Variants in TCP11L2 observed in about 807,000 individuals in gnomAD.
TCP11L2 encodes the protein t-complex 11 like 2, also known as T-complex protein 11-like protein 2.
In TCP11L2, 39 loss-of-function variants were observed where a neutral mutation model predicts 50.7. The observed-to-expected ratio is 0.77, with a 90% CI of 0.60 to 1.01. The LOEUF (loss-of-function observed/expected upper bound fraction) is 1.01. Among genes scored for constraint, TCP11L2 ranks in the 50% least tolerant of loss-of-function variants. The pLI is 0.00. For missense variants in TCP11L2, 612 were observed against 614.7 expected, an observed-to-expected ratio of 1.00 and a Z score of 0.05; for synonymous variants, 192 against 219.3, an observed-to-expected ratio of 0.88 and a Z score of 1.10.
chr12:106,325,522 A>G (rs955678029), intron 6 of TCP11L2: 10 of 152,282 alleles, frequency 6.6e-5, no homozygotes, highest in Admixed American at 6.5e-5. Flanking sequence ...ACACAGGCCA[A>G]CTTGACCATT....
intron 6 of TCP11L2, chr12:106,329,275 A>C: frequency 6.5e-7 from 1 of 1,535,078 alleles, no homozygotes; most frequent in Non-Finnish European, 8.7e-7. Context: ...GTAGGTGCCC[A>C]GTGGTTTTCG....
At chr12:106,303,350 A>C (rs115418787) in intron 1 of TCP11L2, 4,350 of 152,552 alleles carry the variant, frequency 0.029, 213 homozygotes, top group African/African-American at 0.096. Context: ...GGGTAGAGGC[A>C]GGGCGGGCCC....
intron 8 of TCP11L2, among the ~76,000 whole-genome samples, chr12:106,339,785 T>C (rs2036035055): frequency 6.6e-6 from 1 of 152,228 alleles, no homozygotes; most frequent in South Asian, 2.1e-4. Context: ...AAGGTAAAAA[T>C]TTTATTACAA....
At chr12:106,300,184 T>TC (rs1370984056), upstream of TCP11L2, among the ~76,000 whole-genome samples, 1 of 151,982 alleles carries the variant, frequency 6.6e-6, no homozygotes, top group Non-Finnish European at 1.5e-5. Context: ...TTTTTTTTTT[T>TC]CCTCAGAAAG....
intron 6 of TCP11L2, chr12:106,323,977 G>A (rs1382096397): frequency 6.5e-6 from 1 of 152,978 alleles, no homozygotes; most frequent in African/African-American, 2.4e-5. Flanking sequence ...ATTCATTCAA[G>A]ATATATTTAT....
At chr12:106,312,257 A>ATTTTT (rs55891003) in intron 2 of TCP11L2, 5 of 291,612 alleles carry the variant, frequency 1.7e-5, no homozygotes, top group Non-Finnish European at 2.6e-5. Context: ...TTTAGTTTCC[A>ATTTTT]TTTTTTTTTT....
intron 4 of TCP11L2, among the ~76,000 whole-genome samples, chr12:106,319,763 G>T (rs892936821): frequency 2.0e-5 from 3 of 152,144 alleles, no homozygotes; most frequent in Admixed American, 6.5e-5. Context: ...ACTCATCCAG[G>T]GTCACACAAC....
At chr12:106,334,614 C>T (rs2136788632) in intron 6 of TCP11L2, among the ~76,000 whole-genome samples, 1 of 152,300 alleles carries the variant, frequency 6.6e-6, no homozygotes, top group Non-Finnish European at 1.5e-5. Context: ...ATTTTTCTGA[C>T]ATACATATCT....
At chr12:106,317,802 G>A (rs2035156413) in intron 3 of TCP11L2, among the ~76,000 whole-genome samples, 4 of 152,216 alleles carry the variant, frequency 2.6e-5, no homozygotes, top group Admixed American at 1.3e-4. Context: ...GACATAAGGG[G>A]TGAAGCAAGG....
intron 6 of TCP11L2, 174 bp downstream of exon 6, chr12:106,323,820 G>A (rs946079628): frequency 1.2e-5 from 4 of 333,044 alleles, no homozygotes; most frequent in African/African-American, 2.2e-5. Flanking sequence ...AAAATTAGGT[G>A]ATGTTTTCAT....
At chr12:106,313,768 T>TA (rs1339230101) in intron 2 of TCP11L2, among the ~76,000 whole-genome samples, 4 of 143,870 alleles carry the variant, frequency 2.8e-5, no homozygotes, top group Admixed American at 2.7e-4. Context: ...AATTTAATTT[T>TA]TTTTTTTTTT....
intron 5 of TCP11L2, among the ~76,000 whole-genome samples, chr12:106,323,299 C>T (rs570100605): frequency 6.6e-6 from 1 of 152,228 alleles, no homozygotes; most frequent in Admixed American, 6.5e-5. Context: ...ATTGTTTATG[C>T]TTCAAGTAAT....
At chr12:106,335,896 G>C in intron 7 of TCP11L2, 70 bp downstream of exon 7, 1 of 1,556,172 alleles carries the variant, frequency 6.4e-7, no homozygotes, top group Middle Eastern at 1.8e-4. Context: ...TGAATCATCT[G>C]GTCTGTGTTT....
At chr12:106,342,547 TG>T (rs913235001) in intron 9 of TCP11L2, among the ~76,000 whole-genome samples, 1 of 152,236 alleles carries the variant, frequency 6.6e-6, no homozygotes, top group African/African-American at 2.4e-5. Context: ...CAGCAGTCTC[TG>T]CAGCATACTG....
chr12:106,317,681 C>A lies in TCP11L2; in HGVS notation c.294-663C>A, dbSNP rs566224196. Among the ~76,000 whole-genome samples, 24 of 152,162 alleles carry A rather than the reference C, an allele frequency of 1.6e-4. 1 individual carries two copies. The South Asian group carries it at 5.0e-3, about 32-fold the overall frequency. On this transcript the variant is annotated intron_variant, in intron 3 of 9. Transcript: ENST00000299045. ...GGTATATAGCTCTGTGGGGAAAGAGCCTCGTCAGTAATTACAGTGGAGGGA... is the reference window on the plus strand; with the variant it reads ...GGTATATAGCTCTGTGGGGAAAGAGACTCGTCAGTAATTACAGTGGAGGGA...
chr12:106,305,270 TTATCA>T (rs2034582420), intron 1 of TCP11L2, among the ~76,000 whole-genome samples: 1 of 151,668 alleles, frequency 6.6e-6, no homozygotes, highest in Non-Finnish European at 1.5e-5. Flanking sequence ...TATAAAGAAC[TTATCA>T]TAGAACAGTT....
In TCP11L2 at chr12:106,323,503, T is replaced by TG; in HGVS notation, c.636-7_636-6insG. 1.9e-6 allele frequency: 3 copies of TG among 1,543,032 alleles called. No individual in the cohort carries two copies. The highest frequency in any genetic ancestry group is 3.4e-4 in the Middle Eastern group (2 of 5,826). ...TCATCTCTCTATTTTAATTCTAAAA[T>TG]TTTTAGACAAATATTCCATGTCCTG... On this transcript the variant is annotated splice_region_variant and splice_polypyrimidine_tract_variant and intron_variant, in intron 5 of 9. Transcript: ENST00000299045.
chr12:106,331,419 G>T (rs1287851230), intron 6 of TCP11L2, among the ~76,000 whole-genome samples: 2 of 152,214 alleles, frequency 1.3e-5, no homozygotes, highest in African/African-American at 4.8e-5. Flanking sequence ...TTCCACGGGT[G>T]ATCACTTTGT....
At position 106,318,445 on chromosome 12, in the gene TCP11L2, T is replaced by C. The variant is rs778971196; in HGVS notation, c.395T>C (p.Leu132Pro). The change falls in exon 4 of 10, where the codon CTG becomes CCG. Residue 132 changes from leucine to proline, a missense_variant. By Grantham distance (98) the Leu-to-Pro change is moderately conservative. Coordinates refer to ENST00000299045, the MANE Select transcript of TCP11L2 (RefSeq NM_152772.3). ...DPPEFEHAIKLFEEIREILLS... is the reference protein window; with the variant it reads ...DPPEFEHAIKPFEEIREILLS... ...CCTGAGTTTGAACATGCCATCAAAC[T>C]GTTTGAAGAAATCAGAGAGGCAAGT... The C allele has an allele frequency of 6.2e-7, 1 of 1,613,938 alleles. No individual in the cohort carries two copies. Among genetic ancestry groups the C allele is most frequent in the Non-Finnish European group, 8.5e-7 (1 of 1,179,846 alleles).
Sources: gnomAD v4.1 joint callset for allele counts (sites outside exome capture counted in the v4.1 genomes callset) on GRCh38, gnomAD v4.1.1 for gene constraint, MANE v1.5 for transcripts, NCBI Gene and HGNC (gene_info 2026-07-23, HGNC 2026-07-21) for gene names.